RTN1: variants seen among roughly 807,000 people sequenced by gnomAD.
RTN1 encodes the protein reticulon-1.
RTN1 carries 25 observed loss-of-function variants against 65.5 expected under a neutral mutation model. The ratio of observed to expected loss-of-function variants is 0.38; its 90% CI spans 0.28 to 0.53. RTN1 has a LOEUF of 0.53. RTN1 is among the 20% of genes least tolerant of loss of function. The pLI is 0.79. For missense variants in RTN1, 983 were observed against 1,025.4 expected (o/e 0.96, Z 0.57); for synonymous variants, 471 against 447.6 (o/e 1.05, Z -0.66).
chr14:59,609,595 G>A (rs1055543718), intron 3 of RTN1, among the ~76,000 whole-genome samples: 1 of 152,166 alleles, frequency 6.6e-6, no homozygotes, highest in African/African-American at 2.4e-5. Flanking sequence ...GCAGCTCCTG[G>A]GTTGAATGGA....
chr14:59,676,393 T>C (rs764248747), intron 3 of RTN1, among the ~76,000 whole-genome samples: 3 of 152,244 alleles, frequency 2.0e-5, no homozygotes, highest in African/African-American at 7.2e-5. Context: ...CATCATCATT[T>C]GTAACTGCAG....
chr14:59,657,254 C>G (rs1253757912), intron 3 of RTN1, among the ~76,000 whole-genome samples: 1 of 151,988 alleles, frequency 6.6e-6, no homozygotes, highest in Non-Finnish European at 1.5e-5. Context: ...ACTAAAAATA[C>G]AAAAATTAGC....
At chr14:59,693,442 T>C (rs1332673757) in intron 3 of RTN1, among the ~76,000 whole-genome samples, 1 of 152,142 alleles carries the variant, frequency 6.6e-6, no homozygotes, top group Non-Finnish European at 1.5e-5. Context: ...GAGATTTTGG[T>C]GCACCCATCA....
At chr14:59,670,122 G>C (rs2140213975) in intron 3 of RTN1, among the ~76,000 whole-genome samples, 1 of 152,314 alleles carries the variant, frequency 6.6e-6, no homozygotes, top group Non-Finnish European at 1.5e-5. Flanking sequence ...AATCATCATA[G>C]AAGGGAAATA....
At chr14:59,599,210 C>T (rs941103400) in intron 8 of RTN1, among the ~76,000 whole-genome samples, 2 of 152,164 alleles carry the variant, frequency 1.3e-5, no homozygotes, top group South Asian at 2.1e-4. Context: ...TATCCCTCGC[C>T]GCATTCTATA....
chr14:59,802,046 T>C (rs901238444), intron 1 of RTN1, among the ~76,000 whole-genome samples: 6 of 152,226 alleles, frequency 3.9e-5, no homozygotes, highest in East Asian at 1.9e-4. Flanking sequence ...TTTAATGTGA[T>C]AGAGGAAATT....
chr14:59,615,997 A>T (rs1488422584), intron 3 of RTN1, among the ~76,000 whole-genome samples: 1 of 152,110 alleles, frequency 6.6e-6, no homozygotes, highest in Non-Finnish European at 1.5e-5. Flanking sequence ...TAAACCTTTG[A>T]TATTTAACAA....
At chr14:59,772,015 T>C (rs1375045175) in intron 1 of RTN1, among the ~76,000 whole-genome samples, 5 of 152,204 alleles carry the variant, frequency 3.3e-5, no homozygotes, top group Non-Finnish European at 7.3e-5. Flanking sequence ...CTTCTGATAA[T>C]ATGTACACTA....
Position 59,661,259 on chromosome 14 carries a change from CAA to C in RTN1, c.1766-53769_1766-53768del, listed in dbSNP as rs768483248. Among the ~76,000 whole-genome samples, 9 of 83,378 alleles carry C rather than the reference CAA, an allele frequency of 1.1e-4. No individual in the cohort carries two copies. In the East Asian group the frequency reaches 1.5e-3, roughly 14 times the overall value. The allele number at this position is 83,378 out of a possible 152,430, so 54.7% of individuals were successfully genotyped here. A position where few individuals can be genotyped will look rare whatever the true frequency, so the allele number is the denominator to read the frequency against. On this transcript the variant is annotated intron_variant, in intron 3 of 8. Transcript: ENST00000267484. ...AGGCAGTAATTAATAGCCTACCAAC[CAA>C]AAAAAAAAAAAAAAAAAAGCCCAGG...
chr14:59,855,219 T>A (rs1887583296), intron 1 of RTN1, among the ~76,000 whole-genome samples: 1 of 152,232 alleles, frequency 6.6e-6, no homozygotes, highest in Admixed American at 6.5e-5. Context: ...GGGATTTTAT[T>A]ATTTATCCCC....
chr14:59,749,172 C>CTATCTATATATCTATCTATATA (rs1566710994), intron 1 of RTN1, among the ~76,000 whole-genome samples: 7 of 60,998 alleles, frequency 1.1e-4, no homozygotes, highest in Admixed American at 2.0e-4. Flanking sequence ...ATCTATATAT[C>CTATCTATATATCTATCTATATA]TATCTATATA....
At chr14:59,677,695 AG>A (rs1883657245) in intron 3 of RTN1, among the ~76,000 whole-genome samples, 1 of 152,220 alleles carries the variant, frequency 6.6e-6, no homozygotes, top group Non-Finnish European at 1.5e-5. Context: ...TGCCTTCTAC[AG>A]GTAAATGGAA....
At chr14:59,709,620 TG>T (rs1884372730) in intron 3 of RTN1, among the ~76,000 whole-genome samples, 1 of 152,186 alleles carries the variant, frequency 6.6e-6, no homozygotes. Flanking sequence ...AGGAGAATCT[TG>T]CCCCCTGCCT....
chr14:59,633,466 TAAG>T (rs1285822761), intron 3 of RTN1, among the ~76,000 whole-genome samples: 2 of 152,230 alleles, frequency 1.3e-5, no homozygotes, highest in Non-Finnish European at 2.9e-5. Flanking sequence ...TATGAAATAA[TAAG>T]AATTTATTTC....
intron 3 of RTN1, among the ~76,000 whole-genome samples, chr14:59,659,643 C>T (rs1323060479): frequency 6.6e-6 from 1 of 152,148 alleles, no homozygotes; most frequent in Non-Finnish European, 1.5e-5. Flanking sequence ...CCAAACTAAG[C>T]TTCATAAGTG....
chr14:59,709,645 C>T lies in RTN1; in HGVS notation c.1765+17274G>A, dbSNP rs920907457. Among the ~76,000 whole-genome samples the T allele has an allele frequency of 1.8e-4, 27 of 152,206 alleles. 1 individual carries two copies. Among genetic ancestry groups the T allele is most frequent in the Admixed American group, 2.0e-4 (3 of 15,284 alleles). On this transcript the variant is annotated intron_variant, in intron 3 of 8. Coordinates refer to ENST00000267484, the MANE Select transcript of RTN1 (RefSeq NM_021136.3). ...TGCCCCCTGCCTTGTGGTGCCAGTC[C>T]GCCTGCCTATGGGGGTCCAGGCAGA...
chr14:59,844,598 G>A (rs909420272), intron 1 of RTN1, among the ~76,000 whole-genome samples: 6 of 152,134 alleles, frequency 3.9e-5, no homozygotes, highest in Non-Finnish European at 2.9e-5. Context: ...GATAGGGAGA[G>A]ATGCAGGGTT....
At chr14:59,684,486 A>G (rs1883805818) in intron 3 of RTN1, among the ~76,000 whole-genome samples, 2 of 152,202 alleles carry the variant, frequency 1.3e-5, no homozygotes, top group South Asian at 2.1e-4. Context: ...AATAAGAAGC[A>G]TGTTTAGACT....
At chr14:59,693,888 A>T (rs1370219346) in intron 3 of RTN1, among the ~76,000 whole-genome samples, 4 of 152,182 alleles carry the variant, frequency 2.6e-5, no homozygotes, top group Admixed American at 6.5e-5. Context: ...TCTATGCCAC[A>T]ATGGATGAAT....
Sources: gnomAD v4.1 joint callset for allele counts (sites outside exome capture counted in the v4.1 genomes callset) on GRCh38, gnomAD v4.1.1 for gene constraint, MANE v1.5 for transcripts, NCBI Gene and HGNC (gene_info 2026-07-23, HGNC 2026-07-21) for gene names.